Variants in FSIP1 observed in about 807,000 individuals in gnomAD.
FSIP1 encodes fibrous sheath interacting protein 1.
Under a neutral mutation model 60.9 loss-of-function variants are expected in FSIP1, and 65 were observed. That is an observed-to-expected ratio of 1.07 (90% CI 0.87 to 1.31). FSIP1 has a LOEUF of 1.31. FSIP1 is among the 40% of genes most tolerant of loss of function. FSIP1 has a pLI of 0.00. For synonymous variants in FSIP1, 209 were observed against 221.2 expected, an observed-to-expected ratio of 0.94 and a Z score of 0.49; for missense variants, 675 against 665.5, an observed-to-expected ratio of 1.01 and a Z score of -0.16.
chr15:39,631,624 A>G (rs1891893163), intron 10 of FSIP1, among the ~76,000 whole-genome samples: 1 of 152,196 alleles, frequency 6.6e-6, no homozygotes, highest in Non-Finnish European at 1.5e-5. Flanking sequence ...AAAAATGCCC[A>G]AGCGTAATAA....
At chr15:39,632,632 A>C (rs1891945017) in intron 10 of FSIP1, among the ~76,000 whole-genome samples, 1 of 152,132 alleles carries the variant, frequency 6.6e-6, no homozygotes, top group Non-Finnish European at 1.5e-5. Context: ...GTGTCTACTA[A>C]AAATACAAAA....
At chr15:39,765,385 C>G (rs1363528870) in intron 4 of FSIP1, among the ~76,000 whole-genome samples, 1 of 151,552 alleles carries the variant, frequency 6.6e-6, no homozygotes, top group Non-Finnish European at 1.5e-5. Context: ...GGGCAACAAG[C>G]ACGTACTACC....
intron 10 of FSIP1, among the ~76,000 whole-genome samples, chr15:39,626,305 G>C (rs1045643618): frequency 6.6e-6 from 1 of 152,178 alleles, no homozygotes; most frequent in African/African-American, 2.4e-5. Flanking sequence ...TCTGTGTTGA[G>C]CTGGCCTGAA....
At chr15:39,703,180 C>T (rs1012223738) in intron 10 of FSIP1, among the ~76,000 whole-genome samples, 1 of 152,060 alleles carries the variant, frequency 6.6e-6, no homozygotes, top group African/African-American at 2.4e-5. Context: ...TGAGGTTTTG[C>T]CATAGTGGTC....
intron 11 of FSIP1, among the ~76,000 whole-genome samples, chr15:39,606,352 C>A (rs1297566923): frequency 6.6e-6 from 1 of 152,198 alleles, no homozygotes. Flanking sequence ...AACTGACACA[C>A]AATTGTACAT....
chr15:39,765,616 T>C lies in FSIP1; in HGVS notation c.441A>G (p.Arg147=). ...KEIKKQGLEM[R]IKLWEEIKSA... is the part of the protein sequence containing the mutation. ...CCTTAATTTCTTCCCACAGCTTTAT[T>C]CTCATTTCTAGACCTTGCTTCTTAA... The change falls in exon 4 of 12, where the codon AGA becomes AGG. Residue 147 remains arginine, a synonymous_variant. Transcript: ENST00000350221. 1 of 1,590,800 alleles carries C rather than the reference T, an allele frequency of 6.3e-7. No individual in the cohort carries two copies. The highest frequency in any genetic ancestry group is 1.9e-5 in the Admixed American group (1 of 53,628).
At chr15:39,772,531 G>A (rs886090375) in intron 2 of FSIP1, among the ~76,000 whole-genome samples, 28 of 151,906 alleles carry the variant, frequency 1.8e-4, no homozygotes, top group African/African-American at 6.0e-4. Flanking sequence ...CTGGGCTCAA[G>A]CAACCCACCC....
intron 9 of FSIP1, among the ~76,000 whole-genome samples, chr15:39,721,484 C>T (rs1025601903): frequency 2.6e-5 from 4 of 152,214 alleles, no homozygotes; most frequent in Non-Finnish European, 5.9e-5. Context: ...CACAGTTACT[C>T]CACAACTTGT....
At chr15:39,641,019 T>G (rs747830429) in intron 10 of FSIP1, among the ~76,000 whole-genome samples, 4 of 152,184 alleles carry the variant, frequency 2.6e-5, no homozygotes, top group Non-Finnish European at 4.4e-5. Flanking sequence ...CCATATTTAG[T>G]TTGCTTTAAC....
chr15:39,639,569 A>AC (rs1318207178), intron 10 of FSIP1, among the ~76,000 whole-genome samples: 1 of 152,238 alleles, frequency 6.6e-6, no homozygotes, highest in Non-Finnish European at 1.5e-5. Context: ...ACTCTGCAAC[A>AC]CAAGTGAATA....
chr15:39,695,713 T>A (rs1211108903), intron 10 of FSIP1, among the ~76,000 whole-genome samples: 1 of 152,234 alleles, frequency 6.6e-6, no homozygotes, highest in Non-Finnish European at 1.5e-5. Flanking sequence ...GAAAATTTTC[T>A]GAAGGATAAT....
intron 10 of FSIP1, among the ~76,000 whole-genome samples, chr15:39,702,982 CTT>C (rs67911946): frequency 0.032 from 4,333 of 133,904 alleles, 60 homozygotes; most frequent in African/African-American, 0.043. Context: ...TCATAATTGT[CTT>C]TTTTTTTTTT....
chr15:39,616,649 A>T (rs1314595619), intron 11 of FSIP1, among the ~76,000 whole-genome samples: 3 of 152,228 alleles, frequency 2.0e-5, no homozygotes, highest in Non-Finnish European at 2.9e-5. Flanking sequence ...TTAGAGATTG[A>T]TTAGGAAAAG....
chr15:39,751,568 A>G (rs959904623), intron 5 of FSIP1, among the ~76,000 whole-genome samples: 3 of 151,678 alleles, frequency 2.0e-5, no homozygotes, highest in African/African-American at 7.3e-5. Context: ...AAAATACCGC[A>G]TGATCATGAT....
At chr15:39,626,110 T>C (rs1891628267) in intron 10 of FSIP1, among the ~76,000 whole-genome samples, 1 of 152,186 alleles carries the variant, frequency 6.6e-6, no homozygotes, top group African/African-American at 2.4e-5. Flanking sequence ...CCTCACCCTC[T>C]TGCAGGAAAT....
chr15:39,618,146 T>C lies in FSIP1; in HGVS notation c.1288A>G (p.Lys430Glu). Residue 430 changes from lysine (K) to glutamate (E), a missense_variant, in exon 11 of 12, where the codon AAA (lysine) becomes GAA (glutamate). Coordinates refer to ENST00000350221, the MANE Select transcript of FSIP1 (RefSeq NM_152597.5). ...GTTACGTCCTCAATGTCTTCCTTTT[T>C]TCTTTCTGAAGAAAGTTTAATGATG... ...KSIIKLSSER[K>E]KEDIEDVTPV... 6.2e-7 allele frequency: 1 copy of C among 1,614,188 alleles called. No individual in the cohort carries two copies. The highest frequency in any genetic ancestry group is 8.5e-7 in the Non-Finnish European group (1 of 1,180,018).
intron 10 of FSIP1, among the ~76,000 whole-genome samples, chr15:39,629,572 C>T (rs1352643287): frequency 6.6e-6 from 1 of 152,152 alleles, no homozygotes; most frequent in Non-Finnish European, 1.5e-5. Flanking sequence ...TCTGCCTGCG[C>T]ACACCCTCCT....
chr15:39,621,068 A>AT (rs1307788611), intron 10 of FSIP1, among the ~76,000 whole-genome samples: 270 of 151,862 alleles, frequency 1.8e-3, no homozygotes, highest in African/African-American at 6.2e-3. Flanking sequence ...AAAAAAAAAA[A>AT]AAAAAATACA....
At chr15:39,630,899 G>C (rs1025266453) in intron 10 of FSIP1, among the ~76,000 whole-genome samples, 2 of 152,174 alleles carry the variant, frequency 1.3e-5, no homozygotes, top group South Asian at 2.1e-4. Context: ...CTAGTAAGGG[G>C]AGCCCCTCTC....
Sources: gnomAD v4.1 joint callset for allele counts (sites outside exome capture counted in the v4.1 genomes callset) on GRCh38, gnomAD v4.1.1 for gene constraint, MANE v1.5 for transcripts, NCBI Gene and HGNC (gene_info 2026-07-23, HGNC 2026-07-21) for gene names.